The following UMAD1 variants were observed in gnomAD, a reference collection of about 807,000 sequenced individuals.
UMAD1 encodes UBAP1-MVB12-associated (UMA)-domain containing protein 1.
UMAD1 carries 8 observed loss-of-function variants against 6.1 expected under a neutral mutation model. That is an observed-to-expected ratio of 1.30 (90% confidence interval 0.76 to 2.35). UMAD1 has a LOEUF of 2.35. Among genes scored for constraint, UMAD1 ranks in the 30% most tolerant of loss-of-function variants. The pLI, the probability that UMAD1 is intolerant of heterozygous loss-of-function variation, is 0.00. For missense variants in UMAD1, 130 were observed against 78.4 expected (o/e 1.66, Z -2.49); for synonymous variants, 56 against 31.4 (o/e 1.78, Z -2.61).
At chr7:7,817,175 C>G (rs370644354) in intron 3 of UMAD1, among the ~76,000 whole-genome samples, 287 of 152,282 alleles carry the variant, frequency 1.9e-3, no homozygotes, top group African/African-American at 6.2e-3. Flanking sequence ...TGAGCAAATT[C>G]CTGTTCATCC....
rs1448520964 is a variant in UMAD1 at position 7,721,442 on chromosome 7, A to G, written c.82+47989A>G. Among the ~76,000 whole-genome samples the G allele has an allele frequency of 2.6e-5, 4 of 152,200 alleles. 1 individual carries two copies. In the South Asian group the frequency reaches 6.2e-4, roughly 24 times the overall value. On this transcript the variant is annotated intron_variant, in intron 2 of 3. Transcript: ENST00000682710. ...TGCGTGAAAACCACACTACTGCTGC[A>G]TAATTGTGAGCCGTAGGGGATACTG...
At chr7:7,813,057 C>A (rs755560329) in intron 3 of UMAD1, among the ~76,000 whole-genome samples, 1 of 152,146 alleles carries the variant, frequency 6.6e-6, no homozygotes, top group Non-Finnish European at 1.5e-5. Context: ...CCACTTTGTA[C>A]CTACTGAGGA....
intron 2 of UMAD1, among the ~76,000 whole-genome samples, chr7:7,784,938 A>G (rs979579108): frequency 2.5e-4 from 38 of 151,774 alleles, no homozygotes; most frequent in African/African-American, 8.9e-4. Context: ...AATTTTTTGT[A>G]TTTTTAGTAG....
intron 2 of UMAD1, among the ~76,000 whole-genome samples, chr7:7,691,748 A>G (rs1402460257): frequency 6.6e-6 from 1 of 152,170 alleles, no homozygotes; most frequent in Admixed American, 6.5e-5. Context: ...ATTTATTCTA[A>G]TCTTTATCGA....
intron 2 of UMAD1, among the ~76,000 whole-genome samples, chr7:7,731,524 A>G (rs533867222): frequency 1.3e-5 from 2 of 149,288 alleles, no homozygotes; most frequent in South Asian, 4.4e-4. Context: ...TATTGTTAAA[A>G]CTAGAATCAA....
intron 2 of UMAD1, among the ~76,000 whole-genome samples, chr7:7,784,756 CTTTTTTTTTTT>C (rs71014716): frequency 1.3e-5 from 1 of 78,524 alleles, no homozygotes; most frequent in Admixed American, 1.8e-4. Context: ...GCCCTTCCTT[CTTTTTTTTTTT>C]TTTTTTTTTT....
At chr7:7,764,984 C>A (rs1781957301) in intron 2 of UMAD1, among the ~76,000 whole-genome samples, 1 of 151,618 alleles carries the variant, frequency 6.6e-6, no homozygotes, top group South Asian at 2.1e-4. Flanking sequence ...CTCTGCTCTG[C>A]TCTATTCTTA....
chr7:7,859,083 G>T (rs532170400), intron 3 of UMAD1, among the ~76,000 whole-genome samples: 153 of 152,186 alleles, frequency 1.0e-3, no homozygotes, highest in Admixed American at 2.4e-3. Flanking sequence ...AAACTAAATT[G>T]CCTTTTCAAG....
At chr7:7,682,719 T>C (rs1779943936) in intron 2 of UMAD1, among the ~76,000 whole-genome samples, 1 of 152,232 alleles carries the variant, frequency 6.6e-6, no homozygotes, top group Non-Finnish European at 1.5e-5. Context: ...ACTTACCCTA[T>C]CGCTGTCTCC....
intron 2 of UMAD1, among the ~76,000 whole-genome samples, chr7:7,699,878 A>G (rs988627156): frequency 1.3e-5 from 2 of 152,234 alleles, no homozygotes; most frequent in Non-Finnish European, 2.9e-5. Flanking sequence ...AATACTGTTT[A>G]TATAAGTGGA....
intron 3 of UMAD1, among the ~76,000 whole-genome samples, chr7:7,844,554 G>T (rs180935445): frequency 2.2e-4 from 34 of 152,274 alleles, no homozygotes; most frequent in African/African-American, 7.9e-4. Flanking sequence ...ATTCATTGAT[G>T]TTAAGATCAA....
At chr7:7,846,868 G>C (rs1424416285) in intron 3 of UMAD1, among the ~76,000 whole-genome samples, 2 of 126,038 alleles carry the variant, frequency 1.6e-5, no homozygotes, top group Non-Finnish European at 1.6e-5. Context: ...AGATCACATG[G>C]ACACAGGAAG....
chr7:7,716,167 G>A (rs775640809), intron 2 of UMAD1, among the ~76,000 whole-genome samples: 83 of 152,210 alleles, frequency 5.5e-4, no homozygotes, highest in Admixed American at 8.5e-4. Context: ...CAATCCAGCT[G>A]CAAAAATTAC....
chr7:7,720,367 C>T (rs947699456), intron 2 of UMAD1, among the ~76,000 whole-genome samples: 1 of 152,132 alleles, frequency 6.6e-6, no homozygotes, highest in Non-Finnish European at 1.5e-5. Context: ...AACCCTGGGC[C>T]TCTTCCCCAT....
At chr7:7,798,395 C>T (rs1782729115) in intron 2 of UMAD1, among the ~76,000 whole-genome samples, 1 of 152,144 alleles carries the variant, frequency 6.6e-6, no homozygotes, top group African/African-American at 2.4e-5. Context: ...ATAATTTTTA[C>T]ATCTTGTAAA....
intron 3 of UMAD1, among the ~76,000 whole-genome samples, chr7:7,846,240 T>A (rs1783780014): frequency 6.6e-6 from 1 of 152,206 alleles, no homozygotes; most frequent in Non-Finnish European, 1.5e-5. Context: ...TGATATTCCA[T>A]AATATCTCAT....
intron 3 of UMAD1, among the ~76,000 whole-genome samples, chr7:7,817,681 A>G (rs1783159087): frequency 6.6e-6 from 1 of 152,130 alleles, no homozygotes; most frequent in South Asian, 2.1e-4. Context: ...TTTGTTATGT[A>G]TTATGACTTT....
intron 2 of UMAD1, among the ~76,000 whole-genome samples, chr7:7,773,437 A>T (rs768629464): frequency 2.6e-5 from 4 of 152,224 alleles, no homozygotes; most frequent in Non-Finnish European, 5.9e-5. Context: ...CTGTCAATTT[A>T]CTTTGAAGAG....
At chr7:7,777,954 C>G (rs1782253623) in intron 2 of UMAD1, among the ~76,000 whole-genome samples, 1 of 152,176 alleles carries the variant, frequency 6.6e-6, no homozygotes, top group Non-Finnish European at 1.5e-5. Context: ...AAAGCCTTTG[C>G]TCTCCCCTTA....
Sources: gnomAD v4.1 joint callset for allele counts (sites outside exome capture counted in the v4.1 genomes callset) on GRCh38, gnomAD v4.1.1 for gene constraint, MANE v1.5 for transcripts, NCBI Gene and HGNC (gene_info 2026-07-23, HGNC 2026-07-21) for gene names.